Variants in CNPY1 observed in about 807,000 individuals in gnomAD.
CNPY1 encodes protein canopy homolog 1.
In CNPY1, 14 loss-of-function variants were observed where a neutral mutation model predicts 14.4. The ratio of observed to expected loss-of-function variants is 0.97; its 90% CI spans 0.64 to 1.52. CNPY1 has a LOEUF of 1.52. CNPY1 is among the 40% of genes most tolerant of loss of function. The pLI, the probability that CNPY1 is intolerant of heterozygous loss-of-function variation, is 0.00. For missense variants in CNPY1, 129 were observed against 131.5 expected (o/e 0.98, Z 0.09); for synonymous variants, 43 against 46.5 (o/e 0.92, Z 0.31).
intron 2 of CNPY1, among the ~76,000 whole-genome samples, chr7:155,509,337 G>A (rs1796444959): frequency 6.6e-6 from 1 of 152,018 alleles, no homozygotes; most frequent in African/African-American, 2.4e-5. Flanking sequence ...TTTCAAAGTG[G>A]CCAGAAAAAA....
intron 2 of CNPY1, among the ~76,000 whole-genome samples, chr7:155,521,598 CTTGTTTATG>C (rs1420713677): frequency 6.6e-6 from 1 of 152,176 alleles, no homozygotes; most frequent in Non-Finnish European, 1.5e-5. Flanking sequence ...GGGCCGCCGC[CTTGTTTATG>C]TACAGCCCAT....
intron 2 of CNPY1, among the ~76,000 whole-genome samples, chr7:155,524,729 A>G (rs1268082917): frequency 2.0e-5 from 3 of 152,254 alleles, no homozygotes; most frequent in African/African-American, 7.2e-5. Flanking sequence ...TAATAATAGA[A>G]ATAAAATGCA....
At chr7:155,519,189 T>C (rs953469929) in intron 2 of CNPY1, among the ~76,000 whole-genome samples, 9 of 152,146 alleles carry the variant, frequency 5.9e-5, no homozygotes, top group African/African-American at 2.2e-4. Flanking sequence ...TGCCTAGTGC[T>C]TCCTGGATCC....
intron 2 of CNPY1, among the ~76,000 whole-genome samples, chr7:155,516,200 CAA>C (rs1327217705): frequency 2.6e-5 from 4 of 152,166 alleles, no homozygotes; most frequent in African/African-American, 9.7e-5. Flanking sequence ...CCATGGGAGA[CAA>C]GAGTTAAAGA....
At chr7:155,529,173 C>T (rs1339532731) in intron 2 of CNPY1, among the ~76,000 whole-genome samples, 1 of 152,146 alleles carries the variant, frequency 6.6e-6, no homozygotes, top group African/African-American at 2.4e-5. Context: ...CAGCTCCCAG[C>T]GAGTAGCCAG....
chr7:155,537,912 T>G (rs947833073), intron 2 of CNPY1, among the ~76,000 whole-genome samples: 5 of 152,112 alleles, frequency 3.3e-5, no homozygotes, highest in Non-Finnish European at 7.3e-5. Flanking sequence ...TAGAAAAAAT[T>G]TTAACAGATA....
intron 2 of CNPY1, among the ~76,000 whole-genome samples, chr7:155,525,306 G>A (rs575097599): frequency 3.3e-5 from 5 of 152,080 alleles, no homozygotes; most frequent in Non-Finnish European, 5.9e-5. Context: ...TCAGCCTCCC[G>A]AGTAGCTGGG....
intron 2 of CNPY1, among the ~76,000 whole-genome samples, chr7:155,511,593 A>T (rs1291406984): frequency 6.6e-6 from 1 of 152,232 alleles, no homozygotes; most frequent in Non-Finnish European, 1.5e-5. Context: ...ATGTTATGGC[A>T]AGGTACAAAC....
In CNPY1 at chr7:155,502,956, A is replaced by T; in HGVS notation, c.*112T>A. 1 of 932,778 alleles carries T rather than the reference A, an allele frequency of 1.1e-6. No individual in the cohort carries two copies. The highest frequency in any genetic ancestry group is 1.7e-6 in the Non-Finnish European group (1 of 604,540). The allele number at this position is 932,778 out of a possible 1,614,324, so 57.8% of individuals were successfully genotyped here. A position where few individuals can be genotyped will look rare whatever the true frequency, so the allele number is the denominator to read the frequency against. ...TCATAAACGGAGACAAACACGGTAT[A>T]AACAAGAGACAAAATTTTTCTTATC... On this transcript the variant is annotated 3_prime_UTR_variant, in exon 5 of 5. Coordinates refer to ENST00000636446, the MANE Select transcript of CNPY1 (RefSeq NM_001393663.1).
intron 2 of CNPY1, among the ~76,000 whole-genome samples, chr7:155,532,943 C>A (rs1271524733): frequency 6.6e-6 from 1 of 152,154 alleles, no homozygotes; most frequent in Non-Finnish European, 1.5e-5. Context: ...TTCATGCCCT[C>A]ACACACCACC....
At chr7:155,528,870 C>A (rs558937672) in intron 2 of CNPY1, among the ~76,000 whole-genome samples, 2 of 152,240 alleles carry the variant, frequency 1.3e-5, no homozygotes, top group African/African-American at 4.8e-5. Flanking sequence ...ACCATCCTGG[C>A]TAACATGATG....
rs1796096476 is a variant in CNPY1, at chr7:155,501,216, A to C, written c.*1852T>G. 1 of 152,192 alleles carries C rather than the reference A, an allele frequency of 6.6e-6. No individual in the cohort carries two copies. The highest frequency in any genetic ancestry group is 1.5e-5 in the Non-Finnish European group (1 of 68,020). The allele number at this position is 152,192 out of a possible 1,614,324, so 9.4% of individuals were successfully genotyped here. A position where few individuals can be genotyped will look rare whatever the true frequency, so the allele number is the denominator to read the frequency against. ...TATCACAACCTTAGATAGTCACTGT[A>C]AGTCAAGGTTCCTCGCCCTCTCCAT... is the stretch of plus-strand genomic sequence containing the variant. On this transcript the variant is annotated 3_prime_UTR_variant, in exon 5 of 5. Transcript: ENST00000636446.
intron 2 of CNPY1, among the ~76,000 whole-genome samples, chr7:155,540,834 A>G (rs2116758048): frequency 6.6e-6 from 1 of 152,336 alleles, no homozygotes; most frequent in South Asian, 2.1e-4. Context: ...TGAGAGCAGC[A>G]GTGCATGCGT....
intron 3 of CNPY1, among the ~76,000 whole-genome samples, chr7:155,508,517 G>A (rs926631524): frequency 3.3e-5 from 5 of 152,224 alleles, no homozygotes; most frequent in Admixed American, 6.5e-5. Flanking sequence ...ACCTGTGAGA[G>A]ACCTTCCTTG....
rs756023549 is a variant in CNPY1, at chr7:155,534,348, T to C, written c.99+11483A>G. ...ACACACACGTGCACAGAGGCACACA[T>C]GCACACACGTGCACACAGGCACACA... On this transcript the variant is annotated intron_variant, in intron 2 of 4. Coordinates refer to ENST00000636446, the MANE Select transcript of CNPY1 (RefSeq NM_001393663.1). Among the ~76,000 whole-genome samples, 5 of 78,896 alleles carry C rather than the reference T, an allele frequency of 6.3e-5. No homozygotes were observed. The South Asian group carries it at 2.3e-3, about 37-fold the overall frequency. The allele number at this position is 78,896 out of a possible 152,430, so 51.8% of individuals were successfully genotyped here.
intron 2 of CNPY1, among the ~76,000 whole-genome samples, chr7:155,527,729 G>A (rs946122185): frequency 6.6e-6 from 1 of 151,994 alleles, no homozygotes; most frequent in East Asian, 1.9e-4. Context: ...TAGGATTACA[G>A]GGCTGAGCCA....
intron 3 of CNPY1, 77 bp downstream of exon 3, chr7:155,508,817 G>T: frequency 6.9e-7 from 1 of 1,452,650 alleles, no homozygotes; most frequent in Non-Finnish European, 9.5e-7. Flanking sequence ...ACCACAACAA[G>T]AGTAGAAAAC....
chr7:155,522,209 T>A (rs1216122504), intron 2 of CNPY1, among the ~76,000 whole-genome samples: 1 of 152,206 alleles, frequency 6.6e-6, no homozygotes, highest in Non-Finnish European at 1.5e-5. Context: ...GCTTTGCACA[T>A]ATAGAGGTGC....
chr7:155,507,831 G>C (rs9654685), intron 3 of CNPY1, among the ~76,000 whole-genome samples: 1 of 152,116 alleles, frequency 6.6e-6, no homozygotes, highest in Non-Finnish European at 1.5e-5. Context: ...TTATACTTTC[G>C]GGAGCTGTGA....
Sources: gnomAD v4.1 joint callset for allele counts (sites outside exome capture counted in the v4.1 genomes callset) on GRCh38, gnomAD v4.1.1 for gene constraint, MANE v1.5 for transcripts, NCBI Gene and HGNC (gene_info 2026-07-23, HGNC 2026-07-21) for gene names.